The following MROH2A variants were observed in gnomAD, a reference collection of about 807,000 sequenced individuals.
MROH2A encodes maestro heat like repeat family member 2A, also known as maestro heat-like repeat-containing protein family member 2A.
A neutral mutation model predicts 200.4 loss-of-function variants in MROH2A; 174 were observed. That is an observed-to-expected ratio of 0.87 (90% CI 0.77 to 0.98). The LOEUF (loss-of-function observed/expected upper bound fraction) is 0.98, where lower values mean the gene tolerates loss of function less well. MROH2A is among the 50% of genes least tolerant of loss of function. MROH2A has a pLI of 0.00. For missense variants in MROH2A, 2,045 were observed against 2,139.6 expected, an observed-to-expected ratio of 0.96 and a Z score of 0.87; for synonymous variants, 829 against 840.4, an observed-to-expected ratio of 0.99 and a Z score of 0.23.
chr2:233,809,992 A>C (rs1425123532), intron 22 of MROH2A, among the ~76,000 whole-genome samples: 2 of 152,190 alleles, frequency 1.3e-5, no homozygotes, highest in Non-Finnish European at 2.9e-5. Context: ...ATCTAAGTGC[A>C]ATCATATGAT....
intron 27 of MROH2A, among the ~76,000 whole-genome samples, 163 bp from the exon 28 acceptor site, chr2:233,817,839 C>T (rs1206936653): frequency 6.6e-6 from 1 of 152,180 alleles, no homozygotes; most frequent in Non-Finnish European, 1.5e-5. Context: ...GCAGGGGAGG[C>T]TGATGCTTGG....
At chr2:233,779,319 T>A in intron 1 of MROH2A, 26 bp from the exon 2 acceptor site, 1 of 1,445,570 alleles carries the variant, frequency 6.9e-7, no homozygotes, top group Non-Finnish European at 9.5e-7. Context: ...CACCCCGTAT[T>A]TTACAAATTC....
At chr2:233,810,225 C>T (rs2126144660) in intron 22 of MROH2A, among the ~76,000 whole-genome samples, 1 of 152,268 alleles carries the variant, frequency 6.6e-6, no homozygotes, top group South Asian at 2.1e-4. Flanking sequence ...AACGCTGCTG[C>T]TAAAGGCATA....
chr2:233,804,602 A>T, intron 18 of MROH2A, 55 bp downstream of exon 18: 1 of 1,498,950 alleles, frequency 6.7e-7, no homozygotes, highest in South Asian at 1.2e-5. Context: ...ATGGGAGCAG[A>T]TGGAAAGGCA....
rs373470780 is a variant in MROH2A, at chr2:233,793,104, A to T, written c.670+210A>T. ...AGACATGGTGGGGGCCTTTTAGAAG[A>T]TCCCGGCTTAGAGGGAAGAAGCTGC... On this transcript the variant is annotated intron_variant, in intron 6 of 41. Transcript: ENST00000389758. Among the ~76,000 whole-genome samples the T allele has an allele frequency of 5.2e-4, 79 of 152,260 alleles. 1 individual carries two copies. The East Asian group carries it at 8.7e-3, about 17-fold the overall frequency.
In MROH2A at chr2:233,804,147, G is replaced by A. The variant is rs759088675; in HGVS notation, c.1846G>A (p.Asp616Asn). 8.4e-6 allele frequency: 13 copies of A among 1,550,532 alleles called. No individual in the cohort carries two copies. In the South Asian group the frequency reaches 1.3e-4, roughly 16 times the overall value. Residue 616 changes from aspartate (D) to asparagine (N), a missense_variant, in exon 17 of 42, where the codon GAC (aspartate) becomes AAC (asparagine). By Grantham distance (23) the Asp-to-Asn change is conservative (BLOSUM62 1). Around this residue, in one of 3 missense-constraint regions of MROH2A, gnomAD observed 831 missense variants for 800.0 expected, o/e 1.04. Coordinates refer to ENST00000389758, the MANE Select transcript of MROH2A (RefSeq NM_001394639.1). ...LSQSIAPSMADMWELEIALLV... is the reference protein window; with the variant it reads ...LSQSIAPSMANMWELEIALLV... Reference sequence around the variant, plus strand: ...CCAGAGCATCGCACCCTCCATGGCCGACATGTGGGAGCTGGAGATTGCGCT... The same window carrying A: ...CCAGAGCATCGCACCCTCCATGGCCAACATGTGGGAGCTGGAGATTGCGCT...
chr2:233,832,393 A>T, intron 40 of MROH2A, 114 bp downstream of exon 40: 2 of 1,014,312 alleles, frequency 2.0e-6, no homozygotes, highest in Non-Finnish European at 2.9e-6. Flanking sequence ...AGCTGAGACC[A>T]GAGCTCAGGT....
At position 233,787,613 on chromosome 2, in the gene MROH2A, C is replaced by T. The variant is rs867415962; in HGVS notation, c.277-1884C>T. 2.1e-4 allele frequency among the ~76,000 whole-genome samples: 13 copies of T among 61,616 alleles called. 3 individuals carry two copies. The highest frequency in any genetic ancestry group is 3.1e-4 in the African/African-American group (4 of 12,732). The allele number at this position is 61,616 out of a possible 152,430, so 40.4% of individuals were successfully genotyped here. A position where few individuals can be genotyped will look rare whatever the true frequency, so the allele number is the denominator to read the frequency against. On this transcript the variant is annotated intron_variant, in intron 3 of 41. Transcript: ENST00000389758. The stretch of plus-strand genomic sequence containing the variant: ...TATATATATTATATATTATATATAT[C>T]ATATATACATATATATTATATATAT...
At chr2:233,830,621 CAGG>C (rs1704667493) in intron 38 of MROH2A, among the ~76,000 whole-genome samples, 3 of 64,076 alleles carry the variant, frequency 4.7e-5, no homozygotes, top group East Asian at 1.0e-3. Context: ...TGGGATGGCC[CAGG>C]TGGCCCAGGT....
rs1254370135 is a variant in MROH2A, at chr2:233,804,082, G to T, written c.1781G>T (p.Gly594Val). ...VLMSSPYKGEGRGIAMLNLLR... is the reference protein window; with the variant it reads ...VLMSSPYKGEVRGIAMLNLLR... ...ATGTCATCACCTTACAAGGGGGAGG[G>T]TCGTGGGATAGCCATGCTCAACCTC... is the stretch of plus-strand genomic sequence containing the variant. The change falls in exon 17 of 42, where the codon GGT (glycine) becomes GTT (valine). Residue 594 changes from glycine (G) to valine (V), a missense_variant. Gly to Val is a moderately radical substitution (Grantham distance 109). Coordinates refer to ENST00000389758, the MANE Select transcript of MROH2A (RefSeq NM_001394639.1). 5.2e-6 allele frequency: 8 copies of T among 1,550,570 alleles called. No homozygotes were observed. Among genetic ancestry groups the T allele is most frequent in the East Asian group, 2.4e-5 (1 of 40,914 alleles).
At chr2:233,818,915 CCT>C in intron 29 of MROH2A, 145 bp downstream of exon 29, 1 of 619,772 alleles carries the variant, frequency 1.6e-6, no homozygotes, top group South Asian at 2.0e-5. Flanking sequence ...CAACTGCTGC[CCT>C]CTGTGTTGAA....
In MROH2A at chr2:233,828,772, C is replaced by T. The variant is rs1704504334; in HGVS notation, c.4256C>T (p.Pro1419Leu). 7 of 1,550,296 alleles carry T rather than the reference C, an allele frequency of 4.5e-6. No individual in the cohort carries two copies. In the East Asian group the frequency reaches 1.2e-4, roughly 27 times the overall value. The change falls in exon 36 of 42, where the codon CCC becomes CTC. Residue 1419 changes from proline to leucine, a missense_variant. Physicochemically the swap from Pro to Leu is moderately conservative, Grantham distance 98. Around this residue, in one of 3 missense-constraint regions of MROH2A, gnomAD observed 1,201 missense variants for 1,311.3 expected, o/e 0.92. Coordinates refer to ENST00000389758, the MANE Select transcript of MROH2A (RefSeq NM_001394639.1). The surrounding 1 kb of genome is among the most constrained non-coding windows in gnomAD (Gnocchi z 4.6). ...RALGNMALGA[P>L]KKVKQYRKVL... is the part of the protein sequence containing the mutation. ...CTCGGCAACATGGCCCTGGGCGCCC[C>T]CAAGAAGGTACTGTGCCTGGCCCTG...
chr2:233,803,671 G>A (rs1440734638), intron 16 of MROH2A, among the ~76,000 whole-genome samples, 183 bp downstream of exon 16: 3 of 152,330 alleles, frequency 2.0e-5, no homozygotes, highest in Non-Finnish European at 4.4e-5. Context: ...TTTGGTAGAA[G>A]CAGTGCACTT....
At chr2:233,815,696 G>T (rs1011018336) in intron 26 of MROH2A, among the ~76,000 whole-genome samples, 4 of 152,158 alleles carry the variant, frequency 2.6e-5, no homozygotes, top group African/African-American at 9.7e-5. Context: ...AAAATCAAAG[G>T]CTATGTACGT....
intron 1 of MROH2A, among the ~76,000 whole-genome samples, chr2:233,778,857 G>A (rs1700795277): frequency 6.6e-6 from 1 of 152,174 alleles, no homozygotes; most frequent in Non-Finnish European, 1.5e-5. Flanking sequence ...TTATCTCACG[G>A]TTCCACTGGC....
intron 24 of MROH2A, among the ~76,000 whole-genome samples, chr2:233,813,144 A>G (rs568304503): frequency 1.3e-5 from 2 of 152,242 alleles, no homozygotes; most frequent in Non-Finnish European, 2.9e-5. Flanking sequence ...GCATGCACCA[A>G]TCACTAGCAA....
chr2:233,819,304 G>C lies in MROH2A; in HGVS notation c.3205-13G>C. Reference sequence around the variant, plus strand: ...GCAGGGGAGGGCAGGGGAGTCACCCGCTCTGCTCCTAGGTGGTCTGCATGG... The same window carrying C: ...GCAGGGGAGGGCAGGGGAGTCACCCCCTCTGCTCCTAGGTGGTCTGCATGG... On this transcript the variant is annotated splice_polypyrimidine_tract_variant and intron_variant, in intron 29 of 41. Transcript: ENST00000389758. 1 of 1,547,776 alleles carries C rather than the reference G, an allele frequency of 6.5e-7. No individual in the cohort carries two copies. Among genetic ancestry groups the C allele is most frequent in the Non-Finnish European group, 8.7e-7 (1 of 1,145,268 alleles).
intron 35 of MROH2A, among the ~76,000 whole-genome samples, chr2:233,827,914 C>G (rs1450574136): frequency 1.3e-5 from 2 of 152,040 alleles, no homozygotes; most frequent in African/African-American, 4.8e-5. Context: ...ATTCACTGCT[C>G]TACCTGGCCC....
chr2:233,818,827 C>T (rs1314582112), intron 29 of MROH2A, 57 bp downstream of exon 29: 61 of 1,189,704 alleles, frequency 5.1e-5, no homozygotes, highest in Non-Finnish European at 3.6e-6. Context: ...CCTTGGCCGT[C>T]TCTCAGGGAG....
Sources: gnomAD v4.1 joint callset for allele counts (sites outside exome capture counted in the v4.1 genomes callset) on GRCh38, gnomAD v4.1.1 for gene constraint, gnomAD v4.1.1 regional missense constraint, Gnocchi (gnomAD v3.1) non-coding constraint, MANE v1.5 for transcripts, NCBI Gene and HGNC (gene_info 2026-07-23, HGNC 2026-07-21) for gene names.